Variants in SCRG1 observed in about 807,000 individuals in gnomAD.
SCRG1 encodes stimulator of chondrogenesis 1.
A neutral mutation model predicts 7.7 loss-of-function variants in SCRG1; 3 were observed. The observed-to-expected ratio is 0.39, with a 90% CI of 0.18 to 1.01. The LOEUF (loss-of-function observed/expected upper bound fraction) is 1.01. SCRG1 is among the 50% of genes least tolerant of loss of function. The probability of loss-of-function intolerance (pLI) is 0.36; values close to 1 mark genes in which losing one functional copy is unlikely to be tolerated. For synonymous variants in SCRG1, 46 were observed against 41.2 expected, an observed-to-expected ratio of 1.12 and a Z score of -0.44; for missense variants, 110 against 117.2, an observed-to-expected ratio of 0.94 and a Z score of 0.28.
At chr4:173,435,770 G>T in the SCRG1 span, among the ~76,000 whole-genome samples, 3 of 152,184 alleles carry the variant, frequency 2.0e-5, no homozygotes, top group East Asian at 3.9e-4. Context: ...AAGGGGAAAA[G>T]GGTGTTTCCC....
upstream of SCRG1, among the ~76,000 whole-genome samples, chr4:173,410,258 C>G (rs1362287121): frequency 1.3e-5 from 2 of 152,216 alleles, no homozygotes; most frequent in African/African-American, 2.4e-5. Context: ...TACCCAGCCA[C>G]TTTGGCAAAG....
chr4:173,394,939 T>C (rs1739558450), intron 1 of SCRG1, among the ~76,000 whole-genome samples: 1 of 152,242 alleles, frequency 6.6e-6, no homozygotes, highest in African/African-American at 2.4e-5. Context: ...TCATATTTTC[T>C]TATGCTATTT....
At chr4:173,394,953 T>C (rs1739559194) in intron 1 of SCRG1, among the ~76,000 whole-genome samples, 1 of 152,214 alleles carries the variant, frequency 6.6e-6, no homozygotes, top group South Asian at 2.1e-4. Flanking sequence ...GCTATTTTGT[T>C]GCATTTAACA....
At chr4:173,424,260 A>G in the SCRG1 span, among the ~76,000 whole-genome samples, 1 of 152,332 alleles carries the variant, frequency 6.6e-6, no homozygotes, top group East Asian at 1.9e-4. Flanking sequence ...GTGGTGCTTC[A>G]TACTATTAGC....
At chr4:173,472,500 G>A in the SCRG1 span, among the ~76,000 whole-genome samples, 1 of 152,180 alleles carries the variant, frequency 6.6e-6, no homozygotes, top group African/African-American at 2.4e-5. Flanking sequence ...ACCTGGGAGA[G>A]CTGATGGTGT....
chr4:173,474,255 G>A, the SCRG1 span, among the ~76,000 whole-genome samples: 1 of 152,284 alleles, frequency 6.6e-6, no homozygotes. Flanking sequence ...ATACAGAAAT[G>A]GGGGAGGTAG....
the SCRG1 span, among the ~76,000 whole-genome samples, chr4:173,499,473 GA>G: frequency 6.6e-6 from 1 of 152,248 alleles, no homozygotes; most frequent in Non-Finnish European, 1.5e-5. This position sits in a 1 kb window ranked among gnomAD's most constrained non-coding sequence, Gnocchi z 4.1. Context: ...TGATAAGGAA[GA>G]GGAGCTTTGC....
intron 1 of SCRG1, chr4:173,406,235 C>G (rs1334367345): frequency 6.6e-6 from 1 of 152,190 alleles, no homozygotes; most frequent in Admixed American, 6.5e-5. Flanking sequence ...ACATGTATAG[C>G]AGCATCGGAA....
At chr4:173,389,909 G>GA (rs1739375497) in intron 2 of SCRG1, 2 of 403,368 alleles carry the variant, frequency 5.0e-6, no homozygotes, top group Non-Finnish European at 1.0e-5. Flanking sequence ...AAAGTAATTT[G>GA]AAAAAGCTAA....
At chr4:173,398,331 A>G (rs1192645665) in intron 1 of SCRG1, 2 of 152,216 alleles carry the variant, frequency 1.3e-5, no homozygotes, top group Non-Finnish European at 2.9e-5. Flanking sequence ...ATGCCAGAAG[A>G]TGATATTAAT....
intron 2 of SCRG1, 144 bp downstream of exon 2, chr4:173,391,029 G>T: frequency 1.3e-6 from 1 of 788,722 alleles, no homozygotes; most frequent in Non-Finnish European, 2.1e-6. Flanking sequence ...TTACACAATA[G>T]TGATTATTCT....
At chr4:173,469,332 A>G in the SCRG1 span, 2 of 152,190 alleles carry the variant, frequency 1.3e-5, no homozygotes, top group Non-Finnish European at 2.9e-5. Flanking sequence ...TTTGTCATAA[A>G]AAATAAAATT....
chr4:173,436,833 G>A, the SCRG1 span, among the ~76,000 whole-genome samples: 1 of 152,046 alleles, frequency 6.6e-6, no homozygotes, highest in African/African-American at 2.4e-5. Flanking sequence ...AACTGTTTAT[G>A]TGTTTGGATT....
intron 1 of SCRG1, among the ~76,000 whole-genome samples, chr4:173,391,766 A>G (rs1005901874): frequency 3.9e-5 from 6 of 152,210 alleles, no homozygotes; most frequent in African/African-American, 1.4e-4. Context: ...TGTATCTACA[A>G]AAAATTAAAA....
the SCRG1 span, among the ~76,000 whole-genome samples, chr4:173,462,122 G>A: frequency 2.2e-4 from 34 of 152,258 alleles, 1 homozygote; most frequent in South Asian, 7.1e-3. Flanking sequence ...TAGAGAAAGA[G>A]ATGAGGTAGA....
chr4:173,491,968 A>AT, the SCRG1 span, among the ~76,000 whole-genome samples: 993 of 148,180 alleles, frequency 6.7e-3, 9 homozygotes, highest in African/African-American at 0.021. Context: ...CATCTCTACA[A>AT]TTTTTTTTTT....
At chr4:173,420,780 C>T in the SCRG1 span, among the ~76,000 whole-genome samples, 1 of 151,794 alleles carries the variant, frequency 6.6e-6, no homozygotes, top group Non-Finnish European at 1.5e-5. Flanking sequence ...AAGGCTATGT[C>T]TGTCTCTATA....
chr4:173,418,608 CTG>C, the SCRG1 span, among the ~76,000 whole-genome samples: 20 of 152,212 alleles, frequency 1.3e-4, no homozygotes, highest in Admixed American at 2.6e-4. Flanking sequence ...TAGAAACTCT[CTG>C]TGAAAATGGA....
chr4:173,459,328 T>C, the SCRG1 span, among the ~76,000 whole-genome samples: 1 of 152,228 alleles, frequency 6.6e-6, no homozygotes, highest in Non-Finnish European at 1.5e-5. Flanking sequence ...CATCAGCACA[T>C]GAAACATTCT....
Sources: allele counts gnomAD v4.1 joint callset (sites outside exome capture counted in the v4.1 genomes callset), GRCh38; gene constraint gnomAD v4.1.1; non-coding constraint Gnocchi (gnomAD v3.1); transcripts MANE v1.5; gene names NCBI Gene and HGNC (gene_info 2026-07-23, HGNC 2026-07-21).